CDKN2B-AS1: variants seen among roughly 807,000 people sequenced by gnomAD.
CDKN2B-AS1 encodes CDKN2B antisense RNA 1 (non-protein coding).
At chr9:22,093,673 A>T (rs1304039826) in intron 4 of CDKN2B-AS1, among the ~76,000 whole-genome samples, 1 of 142,042 alleles carries the variant, frequency 7.0e-6, no homozygotes, top group East Asian at 2.0e-4. Context: ...TTTGCTTGGT[A>T]GATCTTCCTC....
rs1224848100 is a variant in CDKN2B-AS1 at position 22,005,226 on chromosome 9, C to T, written n.29+10065C>T. ...CTGTGTAGTCTGCCTGCGGAACCCG[C>T]GGGAATCTCTCCTCAGTGTAGTAAG... On this transcript the variant is annotated intron_variant and non_coding_transcript_variant, in intron 1 of 4. Coordinates refer to ENST00000650946, the Ensembl canonical transcript of CDKN2B-AS1. The surrounding 1 kb of genome is among the most constrained non-coding windows in gnomAD (Gnocchi z 4.9). 4.3e-6 allele frequency: 1 copy of T among 233,476 alleles called. No homozygotes were observed. Among genetic ancestry groups the T allele is most frequent in the Non-Finnish European group, 8.4e-6 (1 of 118,380 alleles). 14.5% of individuals were successfully genotyped at this position (233,476 alleles called of 1,614,324 possible). A position where few individuals can be genotyped will look rare whatever the true frequency, so the allele number is the denominator to read the frequency against.
chr9:22,035,079 G>A (rs905730681), intron 1 of CDKN2B-AS1, among the ~76,000 whole-genome samples: 1 of 152,020 alleles, frequency 6.6e-6, no homozygotes, highest in African/African-American at 2.4e-5. Flanking sequence ...AAAATATCTG[G>A]CATCTAATAG....
intron 4 of CDKN2B-AS1, among the ~76,000 whole-genome samples, chr9:22,101,701 C>CACAG (rs1442019672): frequency 3.6e-5 from 2 of 55,440 alleles, no homozygotes; most frequent in African/African-American, 8.0e-5. Flanking sequence ...CACACACACA[C>CACAG]ATGGCTTCTA....
chr9:22,019,300 A>G (rs969160428), intron 1 of CDKN2B-AS1, among the ~76,000 whole-genome samples: 2 of 152,072 alleles, frequency 1.3e-5, no homozygotes, highest in African/African-American at 4.8e-5. Flanking sequence ...CATTTTGGAG[A>G]ATGGTTTAGG....
chr9:22,090,332 G>T (rs1825033010), intron 4 of CDKN2B-AS1, among the ~76,000 whole-genome samples: 2 of 152,046 alleles, frequency 1.3e-5, no homozygotes, highest in Admixed American at 1.3e-4. Flanking sequence ...TAATCCTTTG[G>T]GTATAGACCC....
At chr9:22,064,846 G>T (rs982192446) in intron 4 of CDKN2B-AS1, among the ~76,000 whole-genome samples, 3 of 152,124 alleles carry the variant, frequency 2.0e-5, no homozygotes, top group Non-Finnish European at 4.4e-5. Flanking sequence ...AACCTAAAAG[G>T]TGGGCATAAC....
At chr9:22,044,084 G>C (rs988127005) in intron 1 of CDKN2B-AS1, among the ~76,000 whole-genome samples, 1 of 151,914 alleles carries the variant, frequency 6.6e-6, no homozygotes, top group African/African-American at 2.4e-5. Flanking sequence ...TGAGGCAAAA[G>C]GGCAGGAAAG....
chr9:22,107,634 A>G (rs139680975), intron 4 of CDKN2B-AS1, among the ~76,000 whole-genome samples: 1 of 152,270 alleles, frequency 6.6e-6, no homozygotes, highest in Non-Finnish European at 1.5e-5. Flanking sequence ...GATGACCTAA[A>G]GCTGCTTTCT....
chr9:22,009,191 G>T (rs1322950618), intron 1 of CDKN2B-AS1: 2 of 630,542 alleles, frequency 3.2e-6, no homozygotes, highest in Non-Finnish European at 2.8e-6. Flanking sequence ...GGCGCGCCTG[G>T]ATTGCTTCTG....
At chr9:22,009,254 G>A in intron 1 of CDKN2B-AS1, 1 of 537,704 alleles carries the variant, frequency 1.9e-6, no homozygotes, top group South Asian at 2.1e-5. Flanking sequence ...TCTGGCCGCA[G>A]GGTGCGGACG....
At position 22,018,438 on chromosome 9, in the gene CDKN2B-AS1, A is replaced by G. The variant is rs138417214; in HGVS notation, n.29+23277A>G. On this transcript the variant is annotated intron_variant and non_coding_transcript_variant, in intron 1 of 4. Transcript: ENST00000650946. ...TTTGGGAGGCCGAGGCGGGTGGATCACCTGAGGTCAGCAGTTCAGACCAGC... is the reference window on the plus strand; with the variant it reads ...TTTGGGAGGCCGAGGCGGGTGGATCGCCTGAGGTCAGCAGTTCAGACCAGC... 9.1e-3 allele frequency among the ~76,000 whole-genome samples: 1,382 copies of G among 152,176 alleles called. 116 individuals are homozygous for G. The East Asian group carries it at 0.2, about 22-fold the overall frequency.
intron 4 of CDKN2B-AS1, among the ~76,000 whole-genome samples, chr9:22,104,186 C>T (rs897804491): frequency 2.0e-5 from 3 of 152,088 alleles, no homozygotes; most frequent in African/African-American, 7.2e-5. Context: ...CATAGCATTG[C>T]CACCATATGG....
intron 4 of CDKN2B-AS1, among the ~76,000 whole-genome samples, chr9:22,097,924 C>T (rs1385650497): frequency 2.0e-5 from 3 of 152,098 alleles, no homozygotes; most frequent in Admixed American, 1.3e-4. Flanking sequence ...TTGTGGTTCC[C>T]TTTAGAAAGA....
intron 3 of CDKN2B-AS1, among the ~76,000 whole-genome samples, chr9:22,055,807 G>A (rs975365340): frequency 6.6e-6 from 1 of 151,976 alleles, no homozygotes; most frequent in African/African-American, 2.4e-5. Flanking sequence ...TTTTATTGAG[G>A]ACCTACTGCA....
At chr9:22,044,840 CA>C (rs1240489122) in intron 1 of CDKN2B-AS1, among the ~76,000 whole-genome samples, 1 of 151,888 alleles carries the variant, frequency 6.6e-6, no homozygotes, top group East Asian at 1.9e-4. Flanking sequence ...AGTTTGAAGG[CA>C]AAAGGTGCCT....
Position 21,995,841 on chromosome 9 carries a change from TGACCCGGTGCCCC to T in CDKN2B-AS1, n.29+688_29+700del, listed in dbSNP as rs1820646144. ...GGACGCCGCCTTCAGGCCGGCGCGC[TGACCCGGTGCCCC>T]GACCCGGAGCCTGCGGTCTGCCTGG... is the stretch of plus-strand genomic sequence containing the variant. On this transcript the variant is annotated intron_variant and non_coding_transcript_variant, in intron 1 of 4. Transcript: ENST00000650946. The surrounding 1 kb of genome is among the most constrained non-coding windows in gnomAD (Gnocchi z 5.7). The T allele has an allele frequency of 6.6e-6, 1 of 152,258 alleles. No homozygotes were observed. Among genetic ancestry groups the T allele is most frequent in the Non-Finnish European group, 1.5e-5 (1 of 68,090 alleles). 9.4% of individuals were successfully genotyped at this position (152,258 alleles called of 1,614,324 possible). A position where few individuals can be genotyped will look rare whatever the true frequency, so the allele number is the denominator to read the frequency against.
chr9:22,063,439 C>T (rs1823906554), intron 4 of CDKN2B-AS1, among the ~76,000 whole-genome samples: 1 of 151,976 alleles, frequency 6.6e-6, no homozygotes, highest in Non-Finnish European at 1.5e-5. Context: ...TTTAAAATAC[C>T]TACAAGAGTA....
At chr9:22,028,865 T>G (rs939843778) in intron 1 of CDKN2B-AS1, among the ~76,000 whole-genome samples, 6 of 152,150 alleles carry the variant, frequency 3.9e-5, no homozygotes, top group Non-Finnish European at 7.4e-5. Flanking sequence ...AATAAATTAC[T>G]AAAGTATAAT....
At chr9:22,107,603 C>T (rs1052800268) in intron 4 of CDKN2B-AS1, among the ~76,000 whole-genome samples, 1 of 152,136 alleles carries the variant, frequency 6.6e-6, no homozygotes, top group African/African-American at 2.4e-5. Context: ...TTGTTCCTTC[C>T]ACATCAGGGG....
Sources: gnomAD v4.1 joint callset for allele counts (sites outside exome capture counted in the v4.1 genomes callset) on GRCh38, gnomAD v4.1.1 for gene constraint, Gnocchi (gnomAD v3.1) non-coding constraint, MANE v1.5 for transcripts, NCBI Gene and HGNC (gene_info 2026-07-23, HGNC 2026-07-21) for gene names.